Variants in SRGN observed in about 807,000 individuals in gnomAD.
SRGN encodes hematopoetic proteoglycan core peptide.
SRGN carries 2 observed loss-of-function variants against 9.5 expected under a neutral mutation model. The observed-to-expected ratio is 0.21, with a 90% CI of 0.09 to 0.66. The LOEUF (loss-of-function observed/expected upper bound fraction) is 0.66. Among genes scored for constraint, SRGN ranks in the 30% least tolerant of loss-of-function variants. The pLI, the probability that SRGN is intolerant of heterozygous loss-of-function variation, is 0.83. For synonymous variants in SRGN, 59 were observed against 72.3 expected, an observed-to-expected ratio of 0.82 and a Z score of 0.93; for missense variants, 170 against 192.4, an observed-to-expected ratio of 0.88 and a Z score of 0.69.
intron 1 of SRGN, among the ~76,000 whole-genome samples, chr10:69,093,888 A>G (rs1248216792): frequency 6.6e-6 from 1 of 152,158 alleles, no homozygotes; most frequent in Non-Finnish European, 1.5e-5. Flanking sequence ...AATAAAAAAG[A>G]AAAGAAAGAA....
chr10:69,091,909 G>A (rs137867114), intron 1 of SRGN, among the ~76,000 whole-genome samples: 17,737 of 55,886 alleles, frequency 0.32, 835 homozygotes, highest in Non-Finnish European at 0.39. Flanking sequence ...AAAAAAAAAA[G>A]AAAAAGAAAA....
intron 2 of SRGN, among the ~76,000 whole-genome samples, chr10:69,101,592 T>G (rs1193781444): frequency 6.6e-6 from 1 of 152,152 alleles, no homozygotes; most frequent in Non-Finnish European, 1.5e-5. Flanking sequence ...CTCCAGTGGT[T>G]GCCCTTCTCT....
Position 69,093,481 on chromosome 10 carries a change from T to G in SRGN, c.80-3603T>G, listed in dbSNP as rs1338252877. Among the ~76,000 whole-genome samples, 5 of 152,200 alleles carry G rather than the reference T, an allele frequency of 3.3e-5. No homozygotes were observed. In the East Asian group the frequency reaches 9.6e-4, roughly 29 times the overall value. ...TACAAGGTGTGAAGACACCGCCCTC[T>G]GCTGGAGAAGATGCTGGATTTTTAT... On this transcript the variant is annotated intron_variant, in intron 1 of 2. Transcript: ENST00000242465.
chr10:69,092,824 T>G (rs1359455835), intron 1 of SRGN, among the ~76,000 whole-genome samples: 1 of 151,908 alleles, frequency 6.6e-6, no homozygotes. Context: ...TGTTCAATGT[T>G]TTTTAGTATA....
At chr10:69,097,629 T>A (rs571244756) in intron 2 of SRGN, among the ~76,000 whole-genome samples, 17 of 152,058 alleles carry the variant, frequency 1.1e-4, no homozygotes, top group Middle Eastern at 6.8e-3. Flanking sequence ...GGGTTTCACC[T>A]TATTAGCCAG....
At chr10:69,091,895 A>AAG (rs1256642063) in intron 1 of SRGN, among the ~76,000 whole-genome samples, 10 of 101,348 alleles carry the variant, frequency 9.9e-5, no homozygotes, top group African/African-American at 2.8e-4. Context: ...AAAAAAAAAA[A>AAG]AAAAAAAAAA....
rs1839979309 is a variant in SRGN, at chr10:69,088,217, T to C, written c.60T>C (p.Val20=). The C allele has an allele frequency of 1.2e-6, 2 of 1,614,172 alleles. No individual in the cohort carries two copies. Among genetic ancestry groups the C allele is most frequent in the Non-Finnish European group, 1.7e-6 (2 of 1,180,028 alleles). Residue 20 remains valine (V), a synonymous_variant, in exon 1 of 3, where the codon GTT becomes GTC. Coordinates refer to ENST00000242465, the MANE Select transcript of SRGN (RefSeq NM_002727.4). ...TCCTGGCTCTTGCCCTCATCCTGGT[T>C]CTGGAATCCTCAGTTCAAGGTAAGA... The part of the protein sequence containing the change: ...RLVLALALIL[V]LESSVQGYPT...
In SRGN at chr10:69,100,765, T is replaced by C. The variant is rs182394487; in HGVS notation, c.228-3106T>C. Among the ~76,000 whole-genome samples, 679 of 152,044 alleles carry C rather than the reference T, an allele frequency of 4.5e-3. 5 individuals are homozygous for C. The highest frequency in any genetic ancestry group is 0.016 in the African/African-American group (657 of 41,492). ...CAGGGCTGTGGCTGACTTTGGCCAA[T>C]GGGAGGCAAGGACGGGAGACTGAGA... On this transcript the variant is annotated intron_variant, in intron 2 of 2. Transcript: ENST00000242465.
Position 69,103,941 on chromosome 10 carries a change from T to G in SRGN, c.298T>G (p.Ser100Ala). 1.9e-6 allele frequency: 3 copies of G among 1,614,184 alleles called. No homozygotes were observed. Among genetic ancestry groups the G allele is most frequent in the Non-Finnish European group, 2.5e-6 (3 of 1,180,024 alleles). Reference sequence around the variant, plus strand: ...GGACTACTCTGGATCAGGCTTCGGCTCCGGCTCCGGCTCTGGATCAGGATC... The same window carrying G: ...GGACTACTCTGGATCAGGCTTCGGCGCCGGCTCCGGCTCTGGATCAGGATC... ...SEDYSGSGFG[S>A]GSGSGSGSGS... The change falls in exon 3 of 3, where the codon TCC (serine) becomes GCC (alanine). Residue 100 changes from serine (S) to alanine (A), a missense_variant. Coordinates refer to ENST00000242465, the MANE Select transcript of SRGN (RefSeq NM_002727.4).
intron 2 of SRGN, among the ~76,000 whole-genome samples, 179 bp from the exon 3 acceptor site, chr10:69,103,692 C>A (rs377212940): frequency 6.6e-6 from 1 of 152,102 alleles, no homozygotes; most frequent in African/African-American, 2.4e-5. Flanking sequence ...CACATAGGAA[C>A]ATTTGACCTG....
At chr10:69,099,401 A>G (rs10998571) in intron 2 of SRGN, among the ~76,000 whole-genome samples, 2,243 of 151,782 alleles carry the variant, frequency 0.015, 74 homozygotes, top group African/African-American at 0.052. Flanking sequence ...GAACTCCTCA[A>G]GTGATCTTCC....
Position 69,098,191 on chromosome 10 carries a change from G to T in SRGN, c.227+960G>T, listed in dbSNP as rs987098392. Among the ~76,000 whole-genome samples, 4 of 152,148 alleles carry T rather than the reference G, an allele frequency of 2.6e-5. No homozygotes were observed. In the East Asian group the frequency reaches 7.7e-4, roughly 29 times the overall value. On this transcript the variant is annotated intron_variant, in intron 2 of 2. Coordinates refer to ENST00000242465, the MANE Select transcript of SRGN (RefSeq NM_002727.4). ...ATATATAAAAATCCAATAATTAACT[G>T]AATGGATAAGCAAAATGTGGTATAA... is the stretch of plus-strand genomic sequence containing the variant.
intron 1 of SRGN, among the ~76,000 whole-genome samples, chr10:69,094,504 TC>T (rs993900903): frequency 9.9e-5 from 15 of 152,256 alleles, no homozygotes; most frequent in African/African-American, 3.4e-4. Flanking sequence ...CTTCCATTTT[TC>T]CCCCCATGTC....
chr10:69,088,438 A>G (rs1839984440), intron 1 of SRGN, among the ~76,000 whole-genome samples: 1 of 152,234 alleles, frequency 6.6e-6, no homozygotes, highest in South Asian at 2.1e-4. Context: ...TGGCGTGTGC[A>G]GTCTTGTAAA....
At chr10:69,103,129 C>T (rs1162079529) in intron 2 of SRGN, among the ~76,000 whole-genome samples, 1 of 151,974 alleles carries the variant, frequency 6.6e-6, no homozygotes, top group Non-Finnish European at 1.5e-5. Flanking sequence ...AAGTAGAGAC[C>T]GGGTTTCACT....
chr10:69,097,302 C>A, intron 2 of SRGN, 71 bp downstream of exon 2: 1 of 1,408,560 alleles, frequency 7.1e-7, no homozygotes, highest in Non-Finnish European at 9.8e-7. Context: ...CTTTTCTTGC[C>A]CAGGCTGGAG....
intron 1 of SRGN, among the ~76,000 whole-genome samples, chr10:69,089,056 A>AG (rs1239485233): frequency 6.6e-6 from 1 of 152,224 alleles, no homozygotes; most frequent in Non-Finnish European, 1.5e-5. Context: ...AACCTATAGT[A>AG]GAAAAACACT....
intron 2 of SRGN, among the ~76,000 whole-genome samples, chr10:69,100,565 C>T (rs1370063698): frequency 6.6e-6 from 1 of 152,218 alleles, no homozygotes; most frequent in Non-Finnish European, 1.5e-5. Flanking sequence ...CTGCTTCTCA[C>T]CCTGACCCTG....
At chr10:69,094,963 A>G (rs1480112336) in intron 1 of SRGN, among the ~76,000 whole-genome samples, 1 of 150,642 alleles carries the variant, frequency 6.6e-6, no homozygotes, top group Non-Finnish European at 1.5e-5. Flanking sequence ...TCACCCTCTC[A>G]CTCATTTTTA....
Sources: allele counts gnomAD v4.1 joint callset (sites outside exome capture counted in the v4.1 genomes callset), GRCh38; gene constraint gnomAD v4.1.1; transcripts MANE v1.5; gene names NCBI Gene and HGNC (gene_info 2026-07-23, HGNC 2026-07-21).